The following GMPR variants were observed in gnomAD, a reference collection of about 807,000 sequenced individuals.
GMPR encodes the protein guanosine monophosphate reductase, also known as GMP reductase 1.
Under a neutral mutation model 38.4 loss-of-function variants are expected in GMPR, and 31 were observed. That is an observed-to-expected ratio of 0.81 (90% CI 0.61 to 1.09). GMPR has a LOEUF of 1.09. Among genes scored for constraint, GMPR ranks in the 50% least tolerant of loss-of-function variants. The probability of loss-of-function intolerance (pLI) is 0.00; values close to 1 mark genes in which losing one functional copy is unlikely to be tolerated. For missense variants in GMPR, 468 were observed against 453.7 expected, an observed-to-expected ratio of 1.03 and a Z score of -0.29; for synonymous variants, 162 against 173.3, an observed-to-expected ratio of 0.93 and a Z score of 0.51.
intron 7 of GMPR, among the ~76,000 whole-genome samples, chr6:16,286,287 G>A (rs1173086609): frequency 1.3e-5 from 2 of 152,056 alleles, no homozygotes; most frequent in Non-Finnish European, 2.9e-5. Flanking sequence ...GTGAGCCCGT[G>A]GGATTGGGGA....
In GMPR at chr6:16,278,808, A is replaced by C; in HGVS notation, c.572A>C (p.Lys191Thr). ...GPGSVCTTRT[K>T]TGVGYPQLSA... ...GGTTCTGTGTGCACCACCCGCACCA[A>C]GACGGGAGTGGGGTACCCCCAGCTG... is the stretch of plus-strand genomic sequence containing the variant. The change falls in exon 6 of 9, where the codon AAG becomes ACG. Residue 191 changes from lysine (K) to threonine (T), a missense_variant. By Grantham distance (78) the Lys-to-Thr change is moderately conservative (BLOSUM62 -1). Coordinates refer to ENST00000259727, the MANE Select transcript of GMPR (RefSeq NM_006877.4). The C allele has an allele frequency of 6.2e-7, 1 of 1,614,062 alleles. No individual in the cohort carries two copies. The highest frequency in any genetic ancestry group is 8.5e-7 in the Non-Finnish European group (1 of 1,179,864).
At chr6:16,258,999 T>G (rs1376103781) in intron 4 of GMPR, 1 of 152,210 alleles carries the variant, frequency 6.6e-6, no homozygotes, top group Non-Finnish European at 1.5e-5. Context: ...TGGTTTTTTT[T>G]CCTTGCCTTT....
At chr6:16,274,962 C>T (rs932932130) in intron 5 of GMPR, among the ~76,000 whole-genome samples, 3 of 152,178 alleles carry the variant, frequency 2.0e-5, no homozygotes, top group Non-Finnish European at 4.4e-5. Flanking sequence ...AGGTAATGAT[C>T]ACCTTTGGTT....
intron 4 of GMPR, among the ~76,000 whole-genome samples, chr6:16,265,910 G>T (rs948215383): frequency 6.6e-6 from 1 of 152,196 alleles, no homozygotes; most frequent in Non-Finnish European, 1.5e-5. Flanking sequence ...GCAAAGATGT[G>T]CAGTTTCACT....
chr6:16,268,064 A>C (rs149617931), intron 4 of GMPR, among the ~76,000 whole-genome samples: 9 of 152,272 alleles, frequency 5.9e-5, no homozygotes, highest in Non-Finnish European at 7.4e-5. Flanking sequence ...CTCACCATTC[A>C]AGTGTCCCTC....
intron 5 of GMPR, among the ~76,000 whole-genome samples, chr6:16,275,101 G>A (rs543779597): frequency 2.6e-5 from 4 of 152,260 alleles, no homozygotes; most frequent in East Asian, 1.9e-4. Flanking sequence ...CATGGGTGGC[G>A]CCATTTTCTC....
At chr6:16,288,539 C>G (rs750477553) in intron 7 of GMPR, among the ~76,000 whole-genome samples, 1 of 152,216 alleles carries the variant, frequency 6.6e-6, no homozygotes, top group Non-Finnish European at 1.5e-5. Context: ...AGCTTCCCCG[C>G]CCCCTCCACG....
chr6:16,286,723 C>CA (rs1317341850), intron 7 of GMPR, among the ~76,000 whole-genome samples: 1 of 151,706 alleles, frequency 6.6e-6, no homozygotes, highest in Non-Finnish European at 1.5e-5. Flanking sequence ...CCAGCCTGGA[C>CA]AATACCCCAT....
intron 7 of GMPR, among the ~76,000 whole-genome samples, chr6:16,289,126 A>G (rs1465521360): frequency 6.6e-6 from 1 of 152,324 alleles, no homozygotes; most frequent in African/African-American, 2.4e-5. Context: ...CTTTAGGCCC[A>G]CACTGCTTTT....
chr6:16,288,062 G>C (rs1235612620), intron 7 of GMPR, among the ~76,000 whole-genome samples: 1 of 152,206 alleles, frequency 6.6e-6, no homozygotes, highest in Non-Finnish European at 1.5e-5. Flanking sequence ...CCTCAGTAGG[G>C]CTTACTCAGG....
intron 6 of GMPR, among the ~76,000 whole-genome samples, chr6:16,281,066 T>C (rs772386758): frequency 2.0e-4 from 30 of 152,112 alleles, no homozygotes; most frequent in Non-Finnish European, 2.6e-4. Context: ...TAGCATCTCT[T>C]TACACAGCAC....
chr6:16,263,943 G>C (rs958434613), intron 4 of GMPR, among the ~76,000 whole-genome samples: 8 of 151,768 alleles, frequency 5.3e-5, no homozygotes, highest in South Asian at 2.1e-4. Context: ...GAAGGGGTTG[G>C]GGGTTTCTTG....
chr6:16,285,027 A>C (rs1201288439), intron 6 of GMPR, among the ~76,000 whole-genome samples: 1 of 131,732 alleles, frequency 7.6e-6, no homozygotes, highest in African/African-American at 3.3e-5. Context: ...CAAAAAAAAA[A>C]AAAAACAAAA....
rs990147207 is a variant in GMPR at position 16,277,062 on chromosome 6, A to C, written c.548-1722A>C. 1.6e-4 allele frequency among the ~76,000 whole-genome samples: 24 copies of C among 152,102 alleles called. 1 individual carries two copies. The highest frequency in any genetic ancestry group is 5.6e-4 in the African/African-American group (23 of 41,414). On this transcript the variant is annotated intron_variant, in intron 5 of 8. Coordinates refer to ENST00000259727, the MANE Select transcript of GMPR (RefSeq NM_006877.4). ...TCTAGCAATTCAATGGGAGAGGAGG[A>C]GAAAAGCTGAGGCTGAACCGGGGGT...
intron 1 of GMPR, 35 bp from the exon 2 acceptor site, chr6:16,246,807 C>A (rs1234164428): frequency 6.3e-7 from 1 of 1,590,310 alleles, no homozygotes; most frequent in Non-Finnish European, 8.6e-7. Context: ...GCACTCATTT[C>A]TTTCCCTTTT....
intron 6 of GMPR, among the ~76,000 whole-genome samples, chr6:16,283,526 C>T (rs967472121): frequency 3.9e-5 from 6 of 152,200 alleles, no homozygotes; most frequent in African/African-American, 1.2e-4. Context: ...GTTTGGTCTA[C>T]GCTGACCATT....
chr6:16,285,957 G>A (rs1026838694), intron 7 of GMPR, 122 bp downstream of exon 7: 2 of 831,896 alleles, frequency 2.4e-6, no homozygotes, highest in Admixed American at 2.0e-5. Context: ...TCTCCTGGAG[G>A]TTCCTCTCCC....
intron 1 of GMPR, among the ~76,000 whole-genome samples, 159 bp from the exon 2 acceptor site, chr6:16,246,683 G>T (rs1036676481): frequency 2.6e-5 from 4 of 152,194 alleles, no homozygotes; most frequent in African/African-American, 7.2e-5. Context: ...CGGAATTTCC[G>T]CTCTGGTGTC....
chr6:16,238,897 G>T, intron 1 of GMPR, 117 bp downstream of exon 1: 1 of 388,612 alleles, frequency 2.6e-6, no homozygotes, highest in South Asian at 6.3e-5. Flanking sequence ...TTTGAGACTG[G>T]GGCGCTGCGC....
Sources: gnomAD v4.1 joint callset for allele counts (sites outside exome capture counted in the v4.1 genomes callset) on GRCh38, gnomAD v4.1.1 for gene constraint, MANE v1.5 for transcripts, NCBI Gene and HGNC (gene_info 2026-07-23, HGNC 2026-07-21) for gene names.